Variants in SPRY3 observed in about 807,000 individuals in gnomAD.
SPRY3 encodes sprouty RTK signaling antagonist 3, also known as protein sprouty homolog 3.
A neutral mutation model predicts 20.2 loss-of-function variants in SPRY3; 15 were observed. That is an observed-to-expected ratio of 0.74 (90% CI 0.50 to 1.14). The LOEUF (loss-of-function observed/expected upper bound fraction) is 1.14, where lower values mean the gene tolerates loss of function less well. SPRY3 is among the 50% of genes most tolerant of loss of function. The probability of loss-of-function intolerance (pLI) is 0.00; values close to 1 mark genes in which losing one functional copy is unlikely to be tolerated. For missense variants in SPRY3, 364 were observed against 363.9 expected (o/e 1.00, Z 0.00); for synonymous variants, 143 against 136.5 (o/e 1.05, Z -0.33).
exon 4 of SPRY3, chrX:155,775,988 G>A (rs758394009): frequency 3.6e-5 from 6 of 167,228 alleles, no homozygotes; most frequent in African/African-American, 4.8e-5. Flanking sequence ...CCCCAAGGCC[G>A]CACACTGAGT....
intron 2 of SPRY3, among the ~76,000 whole-genome samples, chrX:155,720,771 A>AC (rs370383684): frequency 8.5e-4 from 128 of 151,394 alleles, no homozygotes; most frequent in African/African-American, 3.0e-3. Flanking sequence ...TTAGATCACA[A>AC]CCCCCAAGTC....
At chrX:155,665,647 A>G (rs1557354277) in intron 2 of SPRY3, among the ~76,000 whole-genome samples, 1 of 111,658 alleles carries the variant, frequency 9.0e-6, no homozygotes, top group African/African-American at 3.2e-5. Flanking sequence ...AATTTTAAGC[A>G]TGAAATCAAT....
intron 1 of SPRY3, among the ~76,000 whole-genome samples, chrX:155,626,753 TC>T (rs1332155316): frequency 8.9e-6 from 1 of 111,789 alleles, no homozygotes; most frequent in East Asian, 2.8e-4. Context: ...TCAACTTCAT[TC>T]TTTTATACTG....
chrX:155,671,429 G>GC (rs1221922758), intron 2 of SPRY3, among the ~76,000 whole-genome samples: 1 of 110,950 alleles, frequency 9.0e-6, no homozygotes, highest in Non-Finnish European at 1.9e-5. Flanking sequence ...TGGTGAGGAA[G>GC]CAGGAATGAC....
chrX:155,715,905 A>T (rs2091019082), intron 2 of SPRY3, among the ~76,000 whole-genome samples: 1 of 152,134 alleles, frequency 6.6e-6, no homozygotes, highest in African/African-American at 2.4e-5. Context: ...AAGTGCAAAG[A>T]TTCTCTCACT....
intron 3 of SPRY3, 78 bp from the exon 3 acceptor site, chrX:155,773,688 G>T: frequency 4.6e-6 from 3 of 650,706 alleles, no homozygotes; most frequent in Admixed American, 2.9e-5. Context: ...TGGTGATAGG[G>T]CCTGAGCTTT....
At chrX:155,739,418 G>A (rs1164364531) in intron 2 of SPRY3, among the ~76,000 whole-genome samples, 2 of 152,202 alleles carry the variant, frequency 1.3e-5, no homozygotes, top group Non-Finnish European at 2.9e-5. Context: ...TGGACGAGGT[G>A]GAAGGATTCC....
chrX:155,728,033 T>C lies in SPRY3; in HGVS notation c.-281-39929T>C, dbSNP rs1185436512. ...GTTATTTCTTTCTGTTTGTTAGTTT[T>C]CCTTCTGACAGTCAGGTCCCTCAGC... On this transcript the variant is annotated intron_variant, in intron 2 of 3. Coordinates refer to ENST00000675360, the Ensembl canonical transcript of SPRY3. Among the ~76,000 whole-genome samples the C allele has an allele frequency of 2.0e-4, 30 of 152,318 alleles. No homozygotes were observed. In the South Asian group the frequency reaches 5.6e-3, roughly 28 times the overall value.
intron 1 of SPRY3, among the ~76,000 whole-genome samples, chrX:155,617,269 G>C (rs2124517790): frequency 9.1e-6 from 1 of 110,029 alleles, no homozygotes; most frequent in East Asian, 2.8e-4. Context: ...TATCAGTCAA[G>C]GTTCTTAGTT....
intron 2 of SPRY3, among the ~76,000 whole-genome samples, chrX:155,747,488 A>T: frequency 6.6e-6 from 1 of 152,126 alleles, no homozygotes; most frequent in South Asian, 2.1e-4. Context: ...AACAGGAAGT[A>T]TTCCTAGTGG....
intron 2 of SPRY3, among the ~76,000 whole-genome samples, chrX:155,712,980 A>C (rs766655251): frequency 6.6e-6 from 1 of 152,134 alleles, no homozygotes; most frequent in Admixed American, 6.6e-5. Context: ...TCTACACTTT[A>C]ACTTCATCCC....
At chrX:155,626,766 C>T (rs374529336) in intron 1 of SPRY3, among the ~76,000 whole-genome samples, 12 of 111,325 alleles carry the variant, frequency 1.1e-4, no homozygotes, top group Admixed American at 2.9e-4. Context: ...TTTATACTGT[C>T]GGCATGTTTT....
rs749093146 is a variant in SPRY3, at chrX:155,740,919, C to T, written c.-281-27043C>T. 6.6e-5 allele frequency among the ~76,000 whole-genome samples: 10 copies of T among 152,126 alleles called. No homozygotes were observed. The East Asian group carries it at 9.7e-4, about 15-fold the overall frequency. On this transcript the variant is annotated intron_variant, in intron 2 of 3. Transcript: ENST00000675360. ...GTCCTACCGATATGTGATGTCACCC[C>T]GGAGGCCCAGCTGTAAAATTCCTCT...
At chrX:155,774,509 G>C (rs1237514993) in exon 4 of SPRY3, 2 of 1,613,886 alleles carry the variant, frequency 1.2e-6, no homozygotes, top group Non-Finnish European at 1.7e-6. Context: ...CCCTGCTCTT[G>C]TGGGCCTAGT....
intron 2 of SPRY3, among the ~76,000 whole-genome samples, chrX:155,728,084 G>A (rs2091110623): frequency 6.6e-6 from 1 of 152,154 alleles, no homozygotes; most frequent in South Asian, 2.1e-4. Flanking sequence ...GTTTGCTGGA[G>A]GTCCACTCCA....
rs782714665 is a variant in SPRY3, at chrX:155,632,387, T to TA, written c.-441+19748dup. 1.2e-3 allele frequency among the ~76,000 whole-genome samples: 130 copies of TA among 111,115 alleles called. 2 individuals carry two copies. The South Asian group carries it at 0.046, about 40-fold the overall frequency. ...CAAACCATCCTCAAACTTGGAAGAT[T>TA]AAAAAAAACATTTATTTAGATCACA... is the stretch of plus-strand genomic sequence containing the variant. On this transcript the variant is annotated intron_variant, in intron 1 of 3. Transcript: ENST00000675360.
At chrX:155,709,802 G>T (rs1301119980) in intron 2 of SPRY3, among the ~76,000 whole-genome samples, 2 of 151,698 alleles carry the variant, frequency 1.3e-5, no homozygotes, top group African/African-American at 4.8e-5. Flanking sequence ...TTTAGTCTTA[G>T]ATTTAAGTAT....
At chrX:155,704,306 G>A (rs918407264) in intron 2 of SPRY3, among the ~76,000 whole-genome samples, 3 of 151,646 alleles carry the variant, frequency 2.0e-5, no homozygotes, top group African/African-American at 7.3e-5. Context: ...TCTGCAGAGA[G>A]ATCAAAACTA....
At chrX:155,620,290 A>C (rs2067867241) in intron 1 of SPRY3, among the ~76,000 whole-genome samples, 1 of 111,482 alleles carries the variant, frequency 9.0e-6, no homozygotes, top group African/African-American at 3.3e-5. Flanking sequence ...ACACTTTAGC[A>C]GATTCTTATA....
Sources: allele counts gnomAD v4.1 joint callset (sites outside exome capture counted in the v4.1 genomes callset), GRCh38; gene constraint gnomAD v4.1.1; transcripts MANE v1.5; gene names NCBI Gene and HGNC (gene_info 2026-07-23, HGNC 2026-07-21).